Variants in ZFHX3 observed in about 807,000 individuals in gnomAD.
The protein encoded by ZFHX3 is zinc finger homeobox 3.
Under a neutral mutation model 279.1 loss-of-function variants are expected in ZFHX3, and 42 were observed. The ratio of observed to expected loss-of-function variants is 0.15; its 90% CI spans 0.12 to 0.19. ZFHX3 has a LOEUF of 0.19. ZFHX3 is among the 10% of genes least tolerant of loss of function. The pLI is 1.00. For synonymous variants in ZFHX3, 2,293 were observed against 1,957.8 expected, an observed-to-expected ratio of 1.17 and a Z score of -4.52; for missense variants, 4,981 against 4,754.0, an observed-to-expected ratio of 1.05 and a Z score of -1.40.
chr16:73,788,184 G>A (rs562613756), intron 1 of ZFHX3, among the ~76,000 whole-genome samples: 2 of 152,296 alleles, frequency 1.3e-5, no homozygotes, highest in East Asian at 3.9e-4. Flanking sequence ...AACCAATTCT[G>A]AGCCAGGTAG....
At chr16:73,287,241 G>A (rs1467857684) in intron 4 of ZFHX3, among the ~76,000 whole-genome samples, 1 of 149,708 alleles carries the variant, frequency 6.7e-6, no homozygotes, top group African/African-American at 2.5e-5. Context: ...GTGGGTCAGT[G>A]TATGGGTGTG....
Position 72,794,459 on chromosome 16 carries a change from A to C in ZFHX3, c.8223T>G (p.Ala2741=). ...RSRHWHEAKR[A]GYNLTLSAML... is the part of the protein sequence containing the mutation. ...TCGCAGACAGAGTTAGGTTGTAGCC[A>C]GCTCTCTTGGCTTCATGCCAGTGAC... Residue 2741 remains alanine, a synonymous_variant, in exon 9 of 10, where the codon GCT becomes GCG. Transcript: ENST00000268489. This position sits in a 1 kb window ranked among gnomAD's most constrained non-coding sequence, Gnocchi z 4.2. 6.2e-7 allele frequency: 1 copy of C among 1,614,174 alleles called. No individual in the cohort carries two copies. Among genetic ancestry groups the C allele is most frequent in the African/African-American group, 1.3e-5 (1 of 75,058 alleles).
At chr16:73,049,144 T>C (rs1271711393), upstream of ZFHX3, among the ~76,000 whole-genome samples, 2 of 152,206 alleles carry the variant, frequency 1.3e-5, no homozygotes, top group East Asian at 3.8e-4. Context: ...TCCACCTTTT[T>C]CCATTCTCAT....
At chr16:73,754,887 C>G (rs1021966712) in intron 1 of ZFHX3, among the ~76,000 whole-genome samples, 2 of 152,148 alleles carry the variant, frequency 1.3e-5, no homozygotes, top group Non-Finnish European at 2.9e-5. Flanking sequence ...TTTCTCAGAA[C>G]CCCAGTTTCC....
intron 8 of ZFHX3, among the ~76,000 whole-genome samples, chr16:73,089,011 A>G (rs2144774521): frequency 6.6e-6 from 1 of 152,318 alleles, no homozygotes; most frequent in South Asian, 2.1e-4. Flanking sequence ...TGAACTTAAC[A>G]TAGCCCTGGG....
At chr16:72,847,999 G>C (rs993496620) in intron 4 of ZFHX3, among the ~76,000 whole-genome samples, 93 of 152,290 alleles carry the variant, frequency 6.1e-4, no homozygotes, top group Admixed American at 9.8e-4. Flanking sequence ...ATTGGAGCCT[G>C]AACTTAGCTG....
intron 4 of ZFHX3, among the ~76,000 whole-genome samples, chr16:72,866,884 G>A (rs996622417): frequency 6.6e-6 from 1 of 152,194 alleles, no homozygotes; most frequent in Admixed American, 6.5e-5. Context: ...CACCTTAACT[G>A]AAGCCAGAGA....
chr16:73,322,601 G>A (rs2015597987), intron 3 of ZFHX3, among the ~76,000 whole-genome samples: 1 of 152,184 alleles, frequency 6.6e-6, no homozygotes, highest in African/African-American at 2.4e-5. Context: ...CTTGGGAAGT[G>A]TTTTTGTAGG....
At chr16:73,049,597 T>C (rs528351523), upstream of ZFHX3, among the ~76,000 whole-genome samples, 2 of 152,298 alleles carry the variant, frequency 1.3e-5, no homozygotes, top group South Asian at 4.2e-4. Context: ...TTTATTTATT[T>C]ATTTATTTAT....
chr16:73,287,128 G>A (rs2014631664), intron 4 of ZFHX3, among the ~76,000 whole-genome samples: 1 of 149,282 alleles, frequency 6.7e-6, no homozygotes, highest in African/African-American at 2.5e-5. Flanking sequence ...CAGCGTGTCG[G>A]TGTGTTGGTT....
chr16:73,525,186 T>C (rs1399394952), intron 2 of ZFHX3, among the ~76,000 whole-genome samples: 1 of 152,212 alleles, frequency 6.6e-6, no homozygotes, highest in Non-Finnish European at 1.5e-5. Flanking sequence ...GGGAGATTCC[T>C]GTTGGCGATT....
intron 2 of ZFHX3, among the ~76,000 whole-genome samples, chr16:73,569,589 G>C (rs1876749304): frequency 6.6e-6 from 1 of 152,040 alleles, no homozygotes; most frequent in Non-Finnish European, 1.5e-5. Flanking sequence ...CCTGCAGACT[G>C]AGCTAAATGA....
intron 1 of ZFHX3, among the ~76,000 whole-genome samples, chr16:72,979,266 G>A (rs561212815): frequency 6.6e-6 from 1 of 152,340 alleles, no homozygotes; most frequent in South Asian, 2.1e-4. Context: ...GGAATACGCA[G>A]AATGGTTACT....
At chr16:73,195,500 C>A (rs1165256500) in intron 5 of ZFHX3, among the ~76,000 whole-genome samples, 1 of 149,898 alleles carries the variant, frequency 6.7e-6, no homozygotes, top group African/African-American at 2.5e-5. Flanking sequence ...CTCACTACAA[C>A]CTCCGCCACC....
chr16:73,397,391 A>G (rs950663150), intron 3 of ZFHX3, among the ~76,000 whole-genome samples: 1 of 152,178 alleles, frequency 6.6e-6, no homozygotes, highest in South Asian at 2.1e-4. Context: ...GGTTGAGAGG[A>G]GGCAGAGGAA....
chr16:72,793,354 T>A lies in ZFHX3; in HGVS notation c.9328A>T (p.Asn3110Tyr), dbSNP rs549877907. ...MFDNTPLQAL[N>Y]LPTAYPALQG... ...AGCGCTGGATATGCTGTAGGAAGGTTAAGGGCCTGAAGAGGGGTGTTGTCA... is the reference window on the plus strand; with the variant it reads ...AGCGCTGGATATGCTGTAGGAAGGTAAAGGGCCTGAAGAGGGGTGTTGTCA... The change falls in exon 9 of 10, where the codon AAC becomes TAC. Residue 3110 changes from asparagine to tyrosine, a missense_variant. Coordinates refer to ENST00000268489, the MANE Select transcript of ZFHX3 (RefSeq NM_006885.4). The surrounding 1 kb of genome is among the most constrained non-coding windows in gnomAD (Gnocchi z 4.3). The A allele has an allele frequency of 4.3e-6, 7 of 1,614,158 alleles. No individual in the cohort carries two copies. Among genetic ancestry groups the A allele is most frequent in the Non-Finnish European group, 5.9e-6 (7 of 1,180,028 alleles).
chr16:72,841,642 C>T (rs551840340), intron 4 of ZFHX3, among the ~76,000 whole-genome samples: 4 of 152,276 alleles, frequency 2.6e-5, no homozygotes, highest in East Asian at 1.9e-4. Context: ...GCTACAGCAG[C>T]GCTCCTCAAA....
At chr16:73,536,484 A>G (rs1417654234) in intron 2 of ZFHX3, among the ~76,000 whole-genome samples, 1 of 152,250 alleles carries the variant, frequency 6.6e-6, no homozygotes. Context: ...AAGTCAATGC[A>G]CTGCAGAAAA....
intron 3 of ZFHX3, among the ~76,000 whole-genome samples, chr16:73,365,817 C>T (rs528186209): frequency 2.0e-4 from 31 of 152,288 alleles, no homozygotes; most frequent in Admixed American, 9.8e-4. Flanking sequence ...TAGGCTCAGG[C>T]TTGATAGAGA....
Sources: allele counts gnomAD v4.1 joint callset (sites outside exome capture counted in the v4.1 genomes callset), GRCh38; gene constraint gnomAD v4.1.1; non-coding constraint Gnocchi (gnomAD v3.1); transcripts MANE v1.5; gene names NCBI Gene and HGNC (gene_info 2026-07-23, HGNC 2026-07-21).